The following DAPK1 variants were observed in gnomAD, a reference collection of about 807,000 sequenced individuals.
The protein encoded by DAPK1 is death-associated protein kinase 1.
In DAPK1, 56 loss-of-function variants were observed where a neutral mutation model predicts 144.9. The ratio of observed to expected loss-of-function variants is 0.39; its 90% CI spans 0.31 to 0.48. The LOEUF (loss-of-function observed/expected upper bound fraction) is 0.48. Ranked by LOEUF, DAPK1 falls within the 20% of genes least tolerant of loss-of-function variation. The pLI is 0.95. For missense variants in DAPK1, 1,454 were observed against 1,875.4 expected (o/e 0.78, Z 4.15); for synonymous variants, 690 against 749.0 (o/e 0.92, Z 1.29).
intron 9 of DAPK1, 122 bp from the exon 10 acceptor site, chr9:87,641,847 A>C: frequency 1.4e-6 from 1 of 726,378 alleles, no homozygotes. Context: ...CCAACTTCTT[A>C]TGCTAATTTA....
At position 87,632,265 on chromosome 9, in the gene DAPK1, A is replaced by G. The variant is rs1829719655; in HGVS notation, c.285-5678A>G. On this transcript the variant is annotated intron_variant, in intron 3 of 25. Coordinates refer to ENST00000408954, the MANE Select transcript of DAPK1 (RefSeq NM_004938.4). ...TATAGGAGTGAAGGGTGATCAGTAT[A>G]TATGTAGGAATGAAGGAGGATGAGT... 5 of 983,676 alleles carry G rather than the reference A, an allele frequency of 5.1e-6. No homozygotes were observed. The Admixed American group carries it at 3.1e-4, about 61-fold the overall frequency. The allele number at this position is 983,676 out of a possible 1,614,324, so 60.9% of individuals were successfully genotyped here. A position where few individuals can be genotyped will look rare whatever the true frequency, so the allele number is the denominator to read the frequency against.
intron 2 of DAPK1, among the ~76,000 whole-genome samples, chr9:87,509,523 G>A (rs1458225648): frequency 6.6e-6 from 1 of 152,020 alleles, no homozygotes; most frequent in Non-Finnish European, 1.5e-5. Flanking sequence ...ACCACGCCCC[G>A]CTAATTTTAT....
At chr9:87,518,502 G>A (rs970185104) in intron 2 of DAPK1, among the ~76,000 whole-genome samples, 7 of 151,772 alleles carry the variant, frequency 4.6e-5, no homozygotes, top group African/African-American at 1.5e-4. Context: ...CATTGATGTC[G>A]GCCAGTCAAT....
At chr9:87,536,988 C>A (rs1017308915) in intron 2 of DAPK1, among the ~76,000 whole-genome samples, 1 of 142,384 alleles carries the variant, frequency 7.0e-6, no homozygotes, top group East Asian at 2.0e-4. Flanking sequence ...ATGAAGTTTT[C>A]TTTTTTTTTT....
At chr9:87,611,583 T>C (rs1245066500) in intron 3 of DAPK1, among the ~76,000 whole-genome samples, 2 of 152,208 alleles carry the variant, frequency 1.3e-5, no homozygotes, top group African/African-American at 4.8e-5. Context: ...TTCTGCCTCC[T>C]GAGTAGCTGG....
intron 2 of DAPK1, among the ~76,000 whole-genome samples, chr9:87,522,160 T>C (rs947973850): frequency 1.3e-5 from 2 of 152,206 alleles, no homozygotes; most frequent in African/African-American, 4.8e-5. Context: ...ACTAAGACAG[T>C]AGTCACCAAC....
intron 19 of DAPK1, among the ~76,000 whole-genome samples, chr9:87,675,895 A>ACACACACACACACACACC (rs1179826339): frequency 3.5e-4 from 47 of 132,888 alleles, no homozygotes; most frequent in African/African-American, 1.2e-3. Flanking sequence ...ACACACACAC[A>ACACACACACACACACACC]CCCTTATGAC....
At chr9:87,659,403 C>T (rs1830750782) in intron 18 of DAPK1, among the ~76,000 whole-genome samples, 1 of 152,190 alleles carries the variant, frequency 6.6e-6, no homozygotes, top group African/African-American at 2.4e-5. Flanking sequence ...CCCTGCCCAG[C>T]CATGCTTGGG....
In DAPK1 at chr9:87,681,464, A is replaced by G; in HGVS notation, c.2062A>G (p.Ile688Val). Residue 688 changes from isoleucine to valine, a missense_variant, in exon 20 of 26, where the codon ATT (isoleucine) becomes GTT (valine). By Grantham distance (29) the Ile-to-Val change is conservative. Around this residue, in one of 2 missense-constraint regions of DAPK1, gnomAD observed 1,025 missense variants for 1,237.9 expected, o/e 0.83. Transcript: ENST00000408954. ...LRPTQNLQPR[I>V]KLKLFGHSGS... ...ACCCACACAGAACCTGCAGCCAAGA[A>G]TTAAGCTCAAGCTGTTTGGCCACTC... The G allele has an allele frequency of 6.2e-7, 1 of 1,613,832 alleles. No individual in the cohort carries two copies. The highest frequency in any genetic ancestry group is 8.5e-7 in the Non-Finnish European group (1 of 1,179,770).
At position 87,497,938 on chromosome 9, in the gene DAPK1, C is replaced by G. The variant is rs1275993507; in HGVS notation, c.-278C>G. The G allele has an allele frequency of 5.0e-6, 2 of 396,500 alleles. No individual in the cohort carries two copies. Among genetic ancestry groups the G allele is most frequent in the East Asian group, 7.1e-5 (2 of 27,974 alleles). 24.6% of individuals were successfully genotyped at this position (396,500 alleles called of 1,614,324 possible). A position where few individuals can be genotyped will look rare whatever the true frequency, so the allele number is the denominator to read the frequency against. On this transcript the variant is annotated 5_prime_UTR_variant, in exon 1 of 26. Transcript: ENST00000408954. ...CTTTGTTCCCTCCGCGGAGGGGACTCGGCAACTCGCAGCGGCAGGGTCTGG... is the reference window on the plus strand; with the variant it reads ...CTTTGTTCCCTCCGCGGAGGGGACTGGGCAACTCGCAGCGGCAGGGTCTGG...
In DAPK1 at chr9:87,642,145, G is replaced by C. The variant is rs1051754024; in HGVS notation, c.918+87G>C. On this transcript the variant is annotated intron_variant, in intron 10 of 25. Transcript: ENST00000408954. ...TCAGGGTGCATCTCCTCTGATACTG[G>C]TAATATGGAAGATACATCCTTTCCT... 8.0e-5 allele frequency: 78 copies of C among 975,702 alleles called. No homozygotes were observed. The African/African-American group carries it at 1.1e-3, about 13-fold the overall frequency. 60.4% of individuals were successfully genotyped at this position (975,702 alleles called of 1,614,324 possible). A position where few individuals can be genotyped will look rare whatever the true frequency, so the allele number is the denominator to read the frequency against.
intron 2 of DAPK1, among the ~76,000 whole-genome samples, chr9:87,546,591 C>T (rs144211656): frequency 2.6e-4 from 40 of 152,258 alleles, no homozygotes; most frequent in African/African-American, 8.2e-4. Flanking sequence ...AACAAGGCCT[C>T]AATGCTAAAG....
rs1460637690 is a variant in DAPK1 at position 87,640,836 on chromosome 9, C to A, written c.817C>A (p.Pro273Thr). The change falls in exon 9 of 26, where the codon CCC (proline) becomes ACC (threonine). Residue 273 changes from proline (P) to threonine (T), a missense_variant. This residue lies in a region of DAPK1 where 429 missense variants were observed against 637.5 expected (regional missense o/e 0.67). Transcript: ENST00000408954. ...RMTIQDSLQHPWIKPKDTQQA... is the reference protein window; with the variant it reads ...RMTIQDSLQHTWIKPKDTQQA... ...GACAATTCAAGATAGTTTGCAGCATCCCTGGATCAAGGTGAGTTGCATATT... is the reference window on the plus strand; with the variant it reads ...GACAATTCAAGATAGTTTGCAGCATACCTGGATCAAGGTGAGTTGCATATT... 1 of 1,614,050 alleles carries A rather than the reference C, an allele frequency of 6.2e-7. No individual in the cohort carries two copies. The highest frequency in any genetic ancestry group is 2.2e-5 in the East Asian group (1 of 44,890).
At chr9:87,630,804 T>C (rs1230660168) in intron 3 of DAPK1, among the ~76,000 whole-genome samples, 2 of 152,144 alleles carry the variant, frequency 1.3e-5, no homozygotes, top group East Asian at 3.9e-4. Flanking sequence ...CTGCGTGTCA[T>C]CTCTGCTTCA....
intron 2 of DAPK1, among the ~76,000 whole-genome samples, chr9:87,567,510 A>C (rs570211563): frequency 2.6e-3 from 398 of 152,148 alleles, no homozygotes; most frequent in African/African-American, 8.7e-3. Flanking sequence ...GTGGATCAGT[A>C]GACCCCGCTC....
intron 23 of DAPK1, among the ~76,000 whole-genome samples, 177 bp downstream of exon 23, chr9:87,698,971 G>A (rs997459603): frequency 2.0e-4 from 31 of 152,216 alleles, no homozygotes; most frequent in East Asian, 3.9e-4. Flanking sequence ...GGAAATGATC[G>A]GCTTTAGAAG....
intron 1 of DAPK1, among the ~76,000 whole-genome samples, 167 bp downstream of exon 1, chr9:87,498,274 C>T (rs1157577494): frequency 6.6e-6 from 1 of 152,212 alleles, no homozygotes; most frequent in Non-Finnish European, 1.5e-5. Context: ...AGCCGGGAGG[C>T]TTCCCCAGCC....
chr9:87,671,946 A>T (rs1824178473), intron 19 of DAPK1, among the ~76,000 whole-genome samples: 1 of 152,244 alleles, frequency 6.6e-6, no homozygotes, highest in Non-Finnish European at 1.5e-5. Context: ...ACTGGAGGTC[A>T]GATGGCCTGG....
chr9:87,511,629 G>C (rs1315663430), intron 2 of DAPK1, among the ~76,000 whole-genome samples: 1 of 151,890 alleles, frequency 6.6e-6, no homozygotes, highest in Non-Finnish European at 1.5e-5. Context: ...TTTTAATGCA[G>C]TGTGCTTCAG....
Sources: allele counts gnomAD v4.1 joint callset (sites outside exome capture counted in the v4.1 genomes callset), GRCh38; gene constraint gnomAD v4.1.1; regional missense constraint gnomAD v4.1.1; transcripts MANE v1.5; gene names NCBI Gene and HGNC (gene_info 2026-07-23, HGNC 2026-07-21).